The following HUNK variants were observed in gnomAD, a reference collection of about 807,000 sequenced individuals.
The protein encoded by HUNK is hormonally up-regulated neu tumor-associated kinase.
In HUNK, 21 loss-of-function variants were observed where a neutral mutation model predicts 61.0. The ratio of observed to expected loss-of-function variants is 0.34; its 90% CI spans 0.24 to 0.50. HUNK has a LOEUF of 0.50. Ranked by LOEUF, HUNK falls within the 20% of genes least tolerant of loss-of-function variation. HUNK has a pLI of 0.98. For missense variants in HUNK, 772 were observed against 945.7 expected (o/e 0.82, Z 2.41); for synonymous variants, 371 against 386.1 (o/e 0.96, Z 0.46).
intron 6 of HUNK, among the ~76,000 whole-genome samples, chr21:31,969,607 C>T (rs2052996273): frequency 6.6e-6 from 1 of 151,474 alleles, no homozygotes; most frequent in Non-Finnish European, 1.5e-5. Context: ...TACTCTGTCA[C>T]CCAGGCTAGA....
chr21:31,989,735 C>G, intron 8 of HUNK, among the ~76,000 whole-genome samples: 1 of 117,420 alleles, frequency 8.5e-6, no homozygotes, highest in Non-Finnish European at 1.9e-5. Flanking sequence ...AAAAAAAAAG[C>G]CTGGTTACTT....
At chr21:31,910,010 C>T (rs966391917) in intron 1 of HUNK, among the ~76,000 whole-genome samples, 2 of 152,148 alleles carry the variant, frequency 1.3e-5, no homozygotes, top group African/African-American at 4.8e-5. Context: ...TTCCCTTTGC[C>T]CACCCTGCCC....
At chr21:31,983,432 C>G in intron 7 of HUNK, 94 bp from the exon 8 acceptor site, 1 of 977,878 alleles carries the variant, frequency 1.0e-6, no homozygotes, top group Non-Finnish European at 1.6e-6. Flanking sequence ...CCAGCATTCT[C>G]TCAGCCAAGC....
In HUNK at chr21:32,000,640, A is replaced by G; in HGVS notation, c.*1456A>G. The G allele has an allele frequency of 5.0e-6, 2 of 399,082 alleles. No individual in the cohort carries two copies. The highest frequency in any genetic ancestry group is 7.1e-5 in the East Asian group (2 of 28,078). The allele number at this position is 399,082 out of a possible 1,614,324, so 24.7% of individuals were successfully genotyped here. A position where few individuals can be genotyped will look rare whatever the true frequency, so the allele number is the denominator to read the frequency against. On this transcript the variant is annotated 3_prime_UTR_variant, in exon 11 of 11. Transcript: ENST00000270112. The stretch of plus-strand genomic sequence containing the variant: ...GTGACCAGAGACCACCTCTGTGGCC[A>G]CCTCAGATAGTCATCTCAGTCCAAG...
intron 3 of HUNK, among the ~76,000 whole-genome samples, chr21:31,940,991 T>C (rs2052765056): frequency 6.6e-6 from 1 of 152,236 alleles, no homozygotes; most frequent in Non-Finnish European, 1.5e-5. Flanking sequence ...AATAGGACTT[T>C]GTGAATTTAA....
intron 4 of HUNK, among the ~76,000 whole-genome samples, chr21:31,947,874 A>T (rs1457762425): frequency 6.6e-6 from 1 of 152,152 alleles, no homozygotes; most frequent in African/African-American, 2.4e-5. Context: ...CGTTTGCGTG[A>T]AGGGTGTGTT....
intron 1 of HUNK, among the ~76,000 whole-genome samples, chr21:31,888,527 G>A (rs988276298): frequency 2.0e-5 from 3 of 152,116 alleles, no homozygotes; most frequent in African/African-American, 4.8e-5. Context: ...ACTTGAGGTC[G>A]GGAGTTTGAG....
chr21:31,955,858 C>A (rs541529084), intron 4 of HUNK, among the ~76,000 whole-genome samples: 29 of 152,340 alleles, frequency 1.9e-4, no homozygotes, highest in African/African-American at 7.0e-4. Context: ...GGCTCTTCAG[C>A]TTTAGGTGTG....
intron 1 of HUNK, among the ~76,000 whole-genome samples, chr21:31,916,960 G>A (rs936332677): frequency 1.3e-5 from 2 of 152,098 alleles, no homozygotes; most frequent in South Asian, 2.1e-4. Context: ...ACAGGTGTGA[G>A]CCACCACACC....
intron 6 of HUNK, among the ~76,000 whole-genome samples, chr21:31,973,579 TG>T (rs1555880854): frequency 1.4e-5 from 2 of 141,878 alleles, no homozygotes; most frequent in African/African-American, 5.2e-5. Flanking sequence ...GTGATGGTGG[TG>T]GTGATGATGA....
chr21:31,913,764 T>C (rs2833558), intron 1 of HUNK, among the ~76,000 whole-genome samples: 19,657 of 151,560 alleles, frequency 0.13, 1,323 homozygotes, highest in Middle Eastern at 0.17. Context: ...AGGCCTGGGA[T>C]AGAACCTCAG....
chr21:31,986,688 C>G lies in HUNK; in HGVS notation c.1257+3079C>G, dbSNP rs547035261. On this transcript the variant is annotated intron_variant, in intron 8 of 10. Transcript: ENST00000270112. Reference sequence around the variant, plus strand: ...TCCCTCCCTGTGCTCAGTCCACAGCCTTCGGGCTTGCTGTGCTCTCTCTGC... The same window carrying G: ...TCCCTCCCTGTGCTCAGTCCACAGCGTTCGGGCTTGCTGTGCTCTCTCTGC... Among the ~76,000 whole-genome samples the G allele has an allele frequency of 4.6e-5, 7 of 152,314 alleles. No homozygotes were observed. The East Asian group carries it at 1.4e-3, about 29-fold the overall frequency.
chr21:31,974,009 G>A (rs2053031253), intron 6 of HUNK, among the ~76,000 whole-genome samples: 1 of 152,080 alleles, frequency 6.6e-6, no homozygotes, highest in South Asian at 2.1e-4. Flanking sequence ...AACTCTTTCT[G>A]TTCCCCTAAA....
rs563618988 is a variant in HUNK at position 31,976,716 on chromosome 21, C to T, written c.1173+1999C>T. 2.0e-5 allele frequency among the ~76,000 whole-genome samples: 3 copies of T among 151,632 alleles called. No individual in the cohort carries two copies. The East Asian group carries it at 5.8e-4, about 29-fold the overall frequency. On this transcript the variant is annotated intron_variant, in intron 7 of 10. Coordinates refer to ENST00000270112, the MANE Select transcript of HUNK (RefSeq NM_014586.2). ...TCCTGACTTCAAGCGATCCTCCTAC[C>T]TCAGCCTCCCAAAGTGCTGGGATTA...
intron 9 of HUNK, among the ~76,000 whole-genome samples, chr21:31,992,856 C>T (rs915622286): frequency 1.3e-5 from 2 of 152,236 alleles, no homozygotes; most frequent in African/African-American, 4.8e-5. Flanking sequence ...TGTAAATAAA[C>T]ATGCTTTCTC....
At chr21:31,952,045 A>G (rs578257365) in intron 4 of HUNK, among the ~76,000 whole-genome samples, 2 of 151,926 alleles carry the variant, frequency 1.3e-5, no homozygotes, top group East Asian at 3.9e-4. Flanking sequence ...TATAGCTAGC[A>G]TGTATATTTA....
chr21:31,958,928 G>A lies in HUNK; in HGVS notation c.832G>A (p.Val278Ile), dbSNP rs1298385062. 1 of 1,610,384 alleles carries A rather than the reference G, an allele frequency of 6.2e-7. No homozygotes were observed. The highest frequency in any genetic ancestry group is 8.5e-7 in the Non-Finnish European group (1 of 1,178,762). Residue 278 changes from valine to isoleucine, a missense_variant, in exon 5 of 11, where the codon GTA (valine) becomes ATA (isoleucine). Val to Ile is a conservative substitution (Grantham distance 29). This residue lies in a region of HUNK where 359 missense variants were observed against 501.3 expected (regional missense o/e 0.72). Coordinates refer to ENST00000270112, the MANE Select transcript of HUNK (RefSeq NM_014586.2). Reference sequence around the variant, plus strand: ...CCTGAGGGCTTTGTACCAGAAGATGGTAGACAAAGAAATGAACCCCCTCCC... The same window carrying A: ...CCTGAGGGCTTTGTACCAGAAGATGATAGACAAAGAAATGAACCCCCTCCC... ...FSLRALYQKM[V>I]DKEMNPLPTQ... is the part of the protein sequence containing the mutation.
At chr21:31,939,882 G>C (rs1013682310) in intron 2 of HUNK, among the ~76,000 whole-genome samples, 1 of 151,876 alleles carries the variant, frequency 6.6e-6, no homozygotes, top group Non-Finnish European at 1.5e-5. Flanking sequence ...TTAACTTCCA[G>C]GTTCCAGTTT....
chr21:31,954,160 T>A (rs1186830914), intron 4 of HUNK, among the ~76,000 whole-genome samples: 7 of 152,254 alleles, frequency 4.6e-5, no homozygotes, highest in Non-Finnish European at 7.4e-5. Flanking sequence ...TCCAAACCCC[T>A]TTAGTGGGGT....
Sources: gnomAD v4.1 joint callset for allele counts (sites outside exome capture counted in the v4.1 genomes callset) on GRCh38, gnomAD v4.1.1 for gene constraint, gnomAD v4.1.1 regional missense constraint, MANE v1.5 for transcripts, NCBI Gene and HGNC (gene_info 2026-07-23, HGNC 2026-07-21) for gene names.